The following RGS9 variants were observed in gnomAD, a reference collection of about 807,000 sequenced individuals.
The protein encoded by RGS9 is regulator of G protein signaling 9.
In RGS9, 78 loss-of-function variants were observed where a neutral mutation model predicts 102.0. That is an observed-to-expected ratio of 0.76 (90% CI 0.64 to 0.92). RGS9 has a LOEUF of 0.92. Ranked by LOEUF, RGS9 falls within the 40% of genes least tolerant of loss-of-function variation. The probability of loss-of-function intolerance (pLI) is 0.00; values close to 1 mark genes in which losing one functional copy is unlikely to be tolerated. For missense variants in RGS9, 833 were observed against 866.1 expected (o/e 0.96, Z 0.48); for synonymous variants, 353 against 318.6 (o/e 1.11, Z -1.15).
In RGS9 at chr17:65,153,428, G is replaced by T. The variant is rs762714250; in HGVS notation, c.64G>T (p.Ala22Ser). The T allele has an allele frequency of 6.2e-7, 1 of 1,613,946 alleles. No homozygotes were observed. The highest frequency in any genetic ancestry group is 1.1e-5 in the South Asian group (1 of 91,086). The stretch of plus-strand genomic sequence containing the variant: ...TTCCTGTTCTGTCTTGCAGATTGAA[G>T]CGCTCGTGAAGGACATGCAGAACCC... ...PRMAFLQKIE[A>S]LVKDMQNPET... Residue 22 changes from alanine (A) to serine (S), a missense_variant, in exon 2 of 19, where the codon GCG (alanine) becomes TCG (serine). Ala to Ser is a moderately conservative substitution (Grantham distance 99). Around this residue, in one of 3 missense-constraint regions of RGS9, gnomAD observed 328 missense variants for 340.6 expected, o/e 0.96. Transcript: ENST00000262406.
chr17:65,142,987 G>C lies in RGS9; in HGVS notation c.57+5390G>C, dbSNP rs544797977. Among the ~76,000 whole-genome samples, 104 of 151,888 alleles carry C rather than the reference G, an allele frequency of 6.8e-4. 1 individual carries two copies. The South Asian group carries it at 0.021, about 31-fold the overall frequency. On this transcript the variant is annotated intron_variant, in intron 1 of 18. Transcript: ENST00000262406. ...GCCCAGGCTGGACTCAAGCTCCTGG[G>C]CTCAAGGGATCCTCTCACCTTGGCT...
chr17:65,207,929 A>T lies in RGS9; in HGVS notation c.1211A>T (p.Tyr404Phe). 1 of 1,610,388 alleles carries T rather than the reference A, an allele frequency of 6.2e-7. No individual in the cohort carries two copies. ...TTTTCTTGTTCCCACTAGGATTCTTATGCTCGCTATTTAAAATCTCCGATC... is the reference window on the plus strand; with the variant it reads ...TTTTCTTGTTCCCACTAGGATTCTTTTGCTCGCTATTTAAAATCTCCGATC... ...HIYMLMKKDS[Y>F]ARYLKSPIYK... The change falls in exon 16 of 19, where the codon TAT (tyrosine) becomes TTT (phenylalanine). Residue 404 changes from tyrosine (Y) to phenylalanine (F), a missense_variant. Tyr to Phe is a conservative substitution (Grantham distance 22). Around this residue, in one of 3 missense-constraint regions of RGS9, gnomAD observed 185 missense variants for 248.7 expected, o/e 0.74. Transcript: ENST00000262406.
chr17:65,225,384 C>A lies in RGS9; in HGVS notation c.1790C>A (p.Ala597Asp). Residue 597 changes from alanine (A) to aspartate (D), a missense_variant, in exon 18 of 19, where the codon GCC (alanine) becomes GAC (aspartate). Transcript: ENST00000262406. Reference sequence around the variant, plus strand: ...GGCTGTCTGGCCTCACCTGTCTTTGCCAGGCTCTCACCCAAGTGCCCTGCT... The same window carrying A: ...GGCTGTCTGGCCTCACCTGTCTTTGACAGGCTCTCACCCAAGTGCCCTGCT... ...RRGCLASPVF[A>D]RLSPKCPAVS... 6.2e-7 allele frequency: 1 copy of A among 1,611,882 alleles called. No individual in the cohort carries two copies. Among genetic ancestry groups the A allele is most frequent in the Non-Finnish European group, 8.5e-7 (1 of 1,180,034 alleles).
chr17:65,208,141 G>C, intron 16 of RGS9, 134 bp downstream of exon 16: 1 of 675,404 alleles, frequency 1.5e-6, no homozygotes, highest in Non-Finnish European at 2.7e-6. Context: ...GTATTGCTCA[G>C]GGAATGAGTG....
Position 65,202,003 on chromosome 17 carries a change from G to T in RGS9, c.987G>T (p.Leu329=). 1.2e-6 allele frequency: 2 copies of T among 1,611,920 alleles called. No homozygotes were observed. The highest frequency in any genetic ancestry group is 1.7e-6 in the Non-Finnish European group (2 of 1,178,122). ...FLKKEFSGEN[L]GFWEACEDLK... ...CTTCTCACCATGCAGGAGAGAATCT[G>T]GGATTCTGGGAAGCCTGCGAGGATC... is the stretch of plus-strand genomic sequence containing the variant. The change falls in exon 14 of 19, where the codon CTG becomes CTT. Residue 329 remains leucine (L), a synonymous_variant. Coordinates refer to ENST00000262406, the MANE Select transcript of RGS9 (RefSeq NM_003835.4).
chr17:65,215,477 TATCTTTCTTTCGTTCTTTCGTTC>T (rs1567893156), intron 17 of RGS9, among the ~76,000 whole-genome samples: 3 of 126,806 alleles, frequency 2.4e-5, no homozygotes, highest in African/African-American at 1.0e-4. Flanking sequence ...TTTCTTTCTC[TATCTTTCTTTCGTTCTTTCGTTC>T]TTTCTTTCTT....
chr17:65,141,108 T>A (rs1262042494), intron 1 of RGS9, among the ~76,000 whole-genome samples: 1 of 152,244 alleles, frequency 6.6e-6, no homozygotes, highest in Non-Finnish European at 1.5e-5. Flanking sequence ...TCAATGCAGC[T>A]GTGGGTCGGG....
At chr17:65,184,224 A>G (rs1476301250) in intron 9 of RGS9, among the ~76,000 whole-genome samples, 4 of 152,198 alleles carry the variant, frequency 2.6e-5, no homozygotes, top group African/African-American at 9.6e-5. Context: ...TTTTAACATA[A>G]TGTTTCTTAT....
At chr17:65,222,653 C>T (rs8066063) in intron 17 of RGS9, among the ~76,000 whole-genome samples, 10,975 of 152,260 alleles carry the variant, frequency 0.072, 1,314 homozygotes, top group African/African-American at 0.25. Context: ...TCCCAAGCCC[C>T]TAATCAAGGC....
chr17:65,177,647 A>G (rs1474459086), intron 8 of RGS9, 85 bp from the exon 9 acceptor site: 1 of 1,301,508 alleles, frequency 7.7e-7, no homozygotes, highest in African/African-American at 1.5e-5. Flanking sequence ...CAATCTCACA[A>G]TTGGCAGATT....
At chr17:65,155,594 G>A (rs1910738391) in intron 2 of RGS9, among the ~76,000 whole-genome samples, 1 of 152,140 alleles carries the variant, frequency 6.6e-6, no homozygotes, top group Non-Finnish European at 1.5e-5. Context: ...AGGCTGGAGT[G>A]CAGTCATAAA....
intron 16 of RGS9, 69 bp from the exon 17 acceptor site, chr17:65,210,419 G>A: frequency 6.4e-7 from 1 of 1,553,642 alleles, no homozygotes; most frequent in Non-Finnish European, 8.9e-7. Context: ...CTCCCATCAA[G>A]TGTGACAGGG....
chr17:65,214,629 G>C (rs1238670055), intron 17 of RGS9, among the ~76,000 whole-genome samples: 2 of 152,234 alleles, frequency 1.3e-5, no homozygotes, highest in African/African-American at 2.4e-5. Flanking sequence ...GCTACTGCTG[G>C]CCTCTAGGCA....
At chr17:65,174,649 G>A (rs1911554375) in intron 8 of RGS9, among the ~76,000 whole-genome samples, 1 of 152,082 alleles carries the variant, frequency 6.6e-6, no homozygotes, top group Admixed American at 6.6e-5. Context: ...ATGCACGTGT[G>A]TGAGTGTGTG....
chr17:65,170,675 G>A (rs765529885), intron 8 of RGS9, among the ~76,000 whole-genome samples: 8 of 152,256 alleles, frequency 5.3e-5, no homozygotes, highest in South Asian at 2.1e-4. Flanking sequence ...GGGTTTACAC[G>A]TGCCTGGTCC....
chr17:65,185,737 G>A (rs1598597465), intron 9 of RGS9, among the ~76,000 whole-genome samples: 1 of 152,190 alleles, frequency 6.6e-6, no homozygotes, highest in East Asian at 1.9e-4. Context: ...GAGCCCTAGG[G>A]AGATAATAAA....
intron 17 of RGS9, among the ~76,000 whole-genome samples, chr17:65,223,753 T>A (rs1370227517): frequency 9.6e-6 from 1 of 103,848 alleles, no homozygotes; most frequent in African/African-American, 9.1e-5. Context: ...CATGCCAGGC[T>A]TTTTTTTTTT....
intron 12 of RGS9, among the ~76,000 whole-genome samples, chr17:65,194,293 T>C (rs535656558): frequency 6.6e-6 from 1 of 152,330 alleles, no homozygotes; most frequent in South Asian, 2.1e-4. Flanking sequence ...TGTTTATCCA[T>C]TCATCTGCTG....
intron 17 of RGS9, among the ~76,000 whole-genome samples, chr17:65,223,579 G>T (rs1393489611): frequency 6.6e-6 from 1 of 152,216 alleles, no homozygotes; most frequent in East Asian, 1.9e-4. Flanking sequence ...TCAGGGACCA[G>T]GGCTACCTCC....
Sources: allele counts gnomAD v4.1 joint callset (sites outside exome capture counted in the v4.1 genomes callset), GRCh38; gene constraint gnomAD v4.1.1; regional missense constraint gnomAD v4.1.1; transcripts MANE v1.5; gene names NCBI Gene and HGNC (gene_info 2026-07-23, HGNC 2026-07-21).